The following WSB1 variants were observed in gnomAD, a reference collection of about 807,000 sequenced individuals.
WSB1 encodes WD repeat and SOCS box-containing protein 1.
WSB1 carries 23 observed loss-of-function variants against 50.2 expected under a neutral mutation model. That is an observed-to-expected ratio of 0.46 (90% confidence interval 0.33 to 0.65). The LOEUF (loss-of-function observed/expected upper bound fraction) is 0.65. Ranked by LOEUF, WSB1 falls within the 30% of genes least tolerant of loss-of-function variation. WSB1 has a pLI of 0.02. For synonymous variants in WSB1, 179 were observed against 172.0 expected, an observed-to-expected ratio of 1.04 and a Z score of -0.32; for missense variants, 492 against 522.3, an observed-to-expected ratio of 0.94 and a Z score of 0.56.
At chr17:27,307,657 C>A in intron 5 of WSB1, 2 of 1,375,962 alleles carry the variant, frequency 1.5e-6, no homozygotes, top group Non-Finnish European at 9.9e-7. Context: ...TAGTTCTTTA[C>A]AAATCATAAG....
intron 5 of WSB1, 104 bp from the exon 6 acceptor site, chr17:27,308,996 T>G (rs1241811847): frequency 1.5e-6 from 2 of 1,353,388 alleles, no homozygotes; most frequent in African/African-American, 1.5e-5. Context: ...TAATTTATAA[T>G]GCTTAATATA....
At chr17:27,311,439 C>G in intron 7 of WSB1, 70 bp from the exon 8 acceptor site, 2 of 1,271,756 alleles carry the variant, frequency 1.6e-6, no homozygotes, top group Admixed American at 2.3e-5. Flanking sequence ...GCATTTCTTT[C>G]TAAATTTTAA....
rs748250849 is a variant in WSB1, at chr17:27,301,840, G to C, written c.93G>C (p.Lys31Asn). Residue 31 changes from lysine to asparagine, a missense_variant, in exon 2 of 9, where the codon AAG (lysine) becomes AAC (asparagine). By Grantham distance (94) the Lys-to-Asn change is moderately conservative. Coordinates refer to ENST00000262394, the MANE Select transcript of WSB1 (RefSeq NM_015626.10). ...ELLAPAAPFD[K>N]KCGRENWTVA... The stretch of plus-strand genomic sequence containing the variant: ...TAGCTCCTGCAGCTCCTTTTGACAA[G>C]AAATGTGGTCGTGAAAATTGGACTG... 4 of 1,614,096 alleles carry C rather than the reference G, an allele frequency of 2.5e-6. No homozygotes were observed. In the East Asian group the frequency reaches 6.7e-5, roughly 27 times the overall value.
rs764801864 is a variant in WSB1 at position 27,294,450 on chromosome 17, C to T, written c.40+15C>T. 8.1e-6 allele frequency: 13 copies of T among 1,609,954 alleles called. No individual in the cohort carries two copies. The highest frequency in any genetic ancestry group is 6.6e-5 in the South Asian group (6 of 90,852). On this transcript the variant is annotated intron_variant, in intron 1 of 8. Transcript: ENST00000262394. ...GAAAGAGATCGGTGAGGATTGGGACCGTGGGTGGGCGCATGAGGGCCGAGG... is the reference window on the plus strand; with the variant it reads ...GAAAGAGATCGGTGAGGATTGGGACTGTGGGTGGGCGCATGAGGGCCGAGG...
chr17:27,308,788 GTTAA>G, intron 5 of WSB1: 1 of 1,004,998 alleles, frequency 1.0e-6, no homozygotes, highest in East Asian at 9.8e-5. Context: ...GTATATTTTA[GTTAA>G]TTAGTTTTTG....
chr17:27,302,410 CA>C (rs199646039), intron 2 of WSB1: 3,679 of 56,460 alleles, frequency 0.065, 67 homozygotes, highest in African/African-American at 0.12. Flanking sequence ...AATAATGTCT[CA>C]AAAAAAAAAA....
At chr17:27,307,781 G>A (rs1367261304) in intron 5 of WSB1, 2 of 1,535,088 alleles carry the variant, frequency 1.3e-6, no homozygotes, top group Non-Finnish European at 8.7e-7. Context: ...AGGTTATGCT[G>A]GCACCACTCG....
At position 27,312,427 on chromosome 17, in the gene WSB1, A is replaced by T; in HGVS notation, c.*58A>T. 1 of 1,572,738 alleles carries T rather than the reference A, an allele frequency of 6.4e-7. No homozygotes were observed. The highest frequency in any genetic ancestry group is 8.6e-7 in the Non-Finnish European group (1 of 1,165,296). On this transcript the variant is annotated 3_prime_UTR_variant, in exon 9 of 9. Coordinates refer to ENST00000262394, the MANE Select transcript of WSB1 (RefSeq NM_015626.10). ...CAGAATACACTTAACACAAACCTCA[A>T]GCTTTACTGACTTCAATTATCTGTT...
chr17:27,304,245 A>G (rs2017351448), intron 3 of WSB1, among the ~76,000 whole-genome samples: 1 of 152,184 alleles, frequency 6.6e-6, no homozygotes, highest in Admixed American at 6.5e-5. Flanking sequence ...TCTTGAAAAA[A>G]ACAAGATGAA....
intron 8 of WSB1, 27 bp from the exon 9 acceptor site, chr17:27,312,183 C>T (rs1157771051): frequency 1.3e-6 from 2 of 1,591,004 alleles, no homozygotes; most frequent in Admixed American, 3.7e-5. Context: ...ACTTGGGTGA[C>T]TAAGCATGTG....
At chr17:27,310,474 A>C (rs2017635247) in intron 7 of WSB1, among the ~76,000 whole-genome samples, 1 of 152,274 alleles carries the variant, frequency 6.6e-6, no homozygotes, top group African/African-American at 2.4e-5. Flanking sequence ...TTGAAGCAGA[A>C]GGAAATTTCT....
intron 1 of WSB1, among the ~76,000 whole-genome samples, chr17:27,297,809 C>T (rs1457798484): frequency 1.3e-5 from 2 of 151,862 alleles, no homozygotes; most frequent in Admixed American, 6.6e-5. Flanking sequence ...TATAGAGTAA[C>T]CTTAAAATAC....
At chr17:27,295,547 C>G (rs1393168206) in intron 1 of WSB1, among the ~76,000 whole-genome samples, 3 of 146,036 alleles carry the variant, frequency 2.1e-5, no homozygotes, top group Admixed American at 6.8e-5. Flanking sequence ...AAGATACAAA[C>G]ACAGAAAAAA....
Position 27,310,150 on chromosome 17 carries a change from A to G in WSB1, c.974A>G (p.His325Arg). Reference protein sequence around the residue: ...RSVSFSHDGLHVASLADDKMV... With the variant: ...RSVSFSHDGLRVASLADDKMV... ...GTATCTTTTAGCCATGATGGACTGC[A>G]TGTTGCAAGCCTTGCTGATGATAAG... The change falls in exon 7 of 9, where the codon CAT becomes CGT. Residue 325 changes from histidine to arginine, a missense_variant. By Grantham distance (29) the His-to-Arg change is conservative. Transcript: ENST00000262394. 2 of 1,614,012 alleles carry G rather than the reference A, an allele frequency of 1.2e-6. No individual in the cohort carries two copies. Among genetic ancestry groups the G allele is most frequent in the South Asian group, 1.1e-5 (1 of 91,086 alleles).
At chr17:27,301,539 G>A (rs904868302) in intron 1 of WSB1, among the ~76,000 whole-genome samples, 6 of 151,772 alleles carry the variant, frequency 4.0e-5, no homozygotes, top group South Asian at 2.1e-4. Flanking sequence ...TTTTTTTTAC[G>A]GAAACTTTCT....
chr17:27,302,043 T>C (rs2017252384), intron 2 of WSB1, 87 bp downstream of exon 2: 9 of 1,386,744 alleles, frequency 6.5e-6, no homozygotes, highest in Middle Eastern at 1.9e-4. Flanking sequence ...CATTTTGATA[T>C]TTAAGTTTTA....
intron 5 of WSB1, chr17:27,307,847 G>C: frequency 6.7e-7 from 1 of 1,501,752 alleles, no homozygotes; most frequent in Non-Finnish European, 8.9e-7. Flanking sequence ...TCTGGCTACC[G>C]GGCTGGGGGC....
At chr17:27,295,849 T>TC (rs1283035039) in intron 1 of WSB1, among the ~76,000 whole-genome samples, 2 of 152,042 alleles carry the variant, frequency 1.3e-5, no homozygotes, top group Non-Finnish European at 1.5e-5. Flanking sequence ...CTCTTTTTTT[T>TC]TTTTGAGATG....
At chr17:27,308,896 T>A (rs1249790717) in intron 5 of WSB1, 16 of 1,196,498 alleles carry the variant, frequency 1.3e-5, no homozygotes, top group Non-Finnish European at 1.6e-5. Context: ...AACAGAAACA[T>A]TTGAAATAGA....
Sources: allele counts gnomAD v4.1 joint callset (sites outside exome capture counted in the v4.1 genomes callset), GRCh38; gene constraint gnomAD v4.1.1; transcripts MANE v1.5; gene names NCBI Gene and HGNC (gene_info 2026-07-23, HGNC 2026-07-21).